The following RPH3A variants were observed in gnomAD, a reference collection of about 807,000 sequenced individuals.
RPH3A encodes the protein rabphilin-3A.
In RPH3A, 48 loss-of-function variants were observed where a neutral mutation model predicts 102.2. The ratio of observed to expected loss-of-function variants is 0.47; its 90% CI spans 0.37 to 0.60. RPH3A has a LOEUF of 0.60. Among genes scored for constraint, RPH3A ranks in the 20% least tolerant of loss-of-function variants. The pLI, the probability that RPH3A is intolerant of heterozygous loss-of-function variation, is 0.00. For synonymous variants in RPH3A, 310 were observed against 324.3 expected, an observed-to-expected ratio of 0.96 and a Z score of 0.47; for missense variants, 781 against 910.1, an observed-to-expected ratio of 0.86 and a Z score of 1.83.
At chr12:112,873,720 G>A (rs990224958) in intron 10 of RPH3A, 2 of 152,174 alleles carry the variant, frequency 1.3e-5, no homozygotes, top group African/African-American at 2.4e-5. Context: ...TGCAAAATGG[G>A]GAGCACAATA....
chr12:112,662,765 CAA>C (rs111751138), intron 1 of RPH3A, among the ~76,000 whole-genome samples: 2 of 113,454 alleles, frequency 1.8e-5, no homozygotes, highest in Admixed American at 1.8e-4. Context: ...ACTTTGCTTA[CAA>C]AAAAAAAAAA....
chr12:112,847,873 A>G (rs374248398), intron 5 of RPH3A, 31 bp downstream of exon 5: 9 of 1,609,348 alleles, frequency 5.6e-6, no homozygotes, highest in Admixed American at 1.7e-5. Flanking sequence ...TTCACCCCAG[A>G]GCTGCTGTGG....
intron 12 of RPH3A, among the ~76,000 whole-genome samples, chr12:112,875,992 G>A (rs1329885587): frequency 1.3e-5 from 2 of 152,220 alleles, no homozygotes; most frequent in African/African-American, 2.4e-5. Context: ...CTTCCTGGCT[G>A]TGTGACTTTG....
At chr12:112,740,171 T>C (rs1193440284) in intron 1 of RPH3A, among the ~76,000 whole-genome samples, 2 of 152,122 alleles carry the variant, frequency 1.3e-5, no homozygotes, top group African/African-American at 4.8e-5. Context: ...ATCCGTAAAA[T>C]GGAGATAATA....
chr12:112,828,349 A>C lies in RPH3A; in HGVS notation c.31A>C (p.Asn11His). The stretch of plus-strand genomic sequence containing the variant: ...TGACACCGTGTTCAGCAACAGTTCT[A>C]ACCGTTGGATGTACCCCAGTGACCG... MTDTVFSNSS[N>H]RWMYPSDRPL... Residue 11 changes from asparagine (N) to histidine (H), a missense_variant, in exon 3 of 22, where the codon AAC becomes CAC. By Grantham distance (68) the Asn-to-His change is moderately conservative (BLOSUM62 1). Transcript: ENST00000389385. 6.2e-7 allele frequency: 1 copy of C among 1,610,256 alleles called. No individual in the cohort carries two copies. Among genetic ancestry groups the C allele is most frequent in the Non-Finnish European group, 8.5e-7 (1 of 1,178,322 alleles).
upstream of RPH3A, among the ~76,000 whole-genome samples, chr12:112,789,072 G>A (rs112191814): frequency 6.6e-6 from 1 of 152,142 alleles, no homozygotes; most frequent in African/African-American, 2.4e-5. Flanking sequence ...GCATGAGAAC[G>A]TCTTGAATCC....
At chr12:112,782,556 T>C (rs1178666083) in intron 1 of RPH3A, among the ~76,000 whole-genome samples, 2 of 152,226 alleles carry the variant, frequency 1.3e-5, no homozygotes, top group African/African-American at 4.8e-5. Flanking sequence ...CCTCAGCATA[T>C]GCTTGTTGAG....
chr12:112,800,010 GGCACTGCA>G (rs2041311251), intron 2 of RPH3A, among the ~76,000 whole-genome samples: 1 of 152,146 alleles, frequency 6.6e-6, no homozygotes, highest in Non-Finnish European at 1.5e-5. Flanking sequence ...CACTGTTCTA[GGCACTGCA>G]GACTCAGCAG....
chr12:112,842,675 C>G (rs1432589505), intron 4 of RPH3A, among the ~76,000 whole-genome samples: 1 of 152,210 alleles, frequency 6.6e-6, no homozygotes, highest in Admixed American at 6.5e-5. Flanking sequence ...CCTGGAGAGG[C>G]CGTCTCACGA....
intron 6 of RPH3A, among the ~76,000 whole-genome samples, chr12:112,866,014 G>A (rs778782279): frequency 2.0e-5 from 3 of 152,162 alleles, no homozygotes; most frequent in Non-Finnish European, 2.9e-5. Flanking sequence ...TCTCAAAGGC[G>A]AGTAATCCTG....
At chr12:112,617,255 G>C (rs923882143) in intron 1 of RPH3A, among the ~76,000 whole-genome samples, 3 of 152,182 alleles carry the variant, frequency 2.0e-5, no homozygotes, top group Non-Finnish European at 4.4e-5. Flanking sequence ...CATTCCTGCT[G>C]GTCCCTGCAT....
intron 5 of RPH3A, among the ~76,000 whole-genome samples, chr12:112,848,333 A>G (rs953946104): frequency 6.6e-6 from 1 of 152,150 alleles, no homozygotes; most frequent in Non-Finnish European, 1.5e-5. Context: ...AAGAGAGAGC[A>G]TGTTTGAAAT....
chr12:112,897,157 C>T lies in RPH3A; in HGVS notation c.*377C>T, dbSNP rs2043193808. The T allele has an allele frequency of 5.2e-6, 1 of 192,762 alleles. No individual in the cohort carries two copies. 11.9% of individuals were successfully genotyped at this position (192,762 alleles called of 1,614,324 possible). Reference sequence around the variant, plus strand: ...GAACACACACATGTACACACACACACACACACACACACACACACCCTTTCA... The same window carrying T: ...GAACACACACATGTACACACACACATACACACACACACACACACCCTTTCA... On this transcript the variant is annotated 3_prime_UTR_variant, in exon 22 of 22. Transcript: ENST00000389385.
intron 1 of RPH3A, among the ~76,000 whole-genome samples, chr12:112,664,951 G>A (rs569731294): frequency 1.3e-5 from 2 of 151,562 alleles, no homozygotes; most frequent in African/African-American, 2.4e-5. Context: ...TGGCGGGGGT[G>A]GGGGGGATAA....
chr12:112,734,011 T>C (rs111565351), intron 1 of RPH3A, among the ~76,000 whole-genome samples: 93 of 152,288 alleles, frequency 6.1e-4, no homozygotes, highest in Non-Finnish European at 1.1e-3. Context: ...TCTACACAGC[T>C]CTTTGAATTA....
chr12:112,664,010 A>T (rs1453464167), intron 1 of RPH3A, among the ~76,000 whole-genome samples: 1 of 152,118 alleles, frequency 6.6e-6, no homozygotes, highest in Non-Finnish European at 1.5e-5. Flanking sequence ...TGGGAGTGGG[A>T]TGGGGAAAGA....
intron 1 of RPH3A, among the ~76,000 whole-genome samples, chr12:112,776,761 C>T (rs546342559): frequency 6.6e-6 from 1 of 151,416 alleles, no homozygotes; most frequent in East Asian, 1.9e-4. Flanking sequence ...GTAGTCTCAG[C>T]TACTCGGGAG....
intron 1 of RPH3A, among the ~76,000 whole-genome samples, chr12:112,709,344 GT>G (rs1453877403): frequency 6.6e-6 from 1 of 152,148 alleles, no homozygotes; most frequent in Non-Finnish European, 1.5e-5. Flanking sequence ...GAGGCCAGGA[GT>G]TTGAGACCAG....
At position 112,824,346 on chromosome 12, in the gene RPH3A, G is replaced by A. The variant is rs186069146; in HGVS notation, c.-18-3955G>A. Reference sequence around the variant, plus strand: ...AAAGCAGCTCCTGTTGGATGAGGGCGATTCTCTGGAAAATGGTGCTGCTAT... The same window carrying A: ...AAAGCAGCTCCTGTTGGATGAGGGCAATTCTCTGGAAAATGGTGCTGCTAT... On this transcript the variant is annotated intron_variant, in intron 2 of 21. Coordinates refer to ENST00000389385, the MANE Select transcript of RPH3A (RefSeq NM_001143854.2). 2.8e-3 allele frequency among the ~76,000 whole-genome samples: 422 copies of A among 152,284 alleles called. 1 individual carries two copies. Among genetic ancestry groups the A allele is most frequent in the South Asian group, 0.015 (72 of 4,824 alleles).
Sources: gnomAD v4.1 joint callset for allele counts (sites outside exome capture counted in the v4.1 genomes callset) on GRCh38, gnomAD v4.1.1 for gene constraint, MANE v1.5 for transcripts, NCBI Gene and HGNC (gene_info 2026-07-23, HGNC 2026-07-21) for gene names.